The following PDE9A variants were observed in gnomAD, a reference collection of about 807,000 sequenced individuals.
PDE9A encodes high affinity cGMP-specific 3',5'-cyclic phosphodiesterase 9A.
PDE9A carries 60 observed loss-of-function variants against 87.4 expected under a neutral mutation model. That is an observed-to-expected ratio of 0.69 (90% CI 0.56 to 0.85). PDE9A has a LOEUF of 0.85. Among genes scored for constraint, PDE9A ranks in the 40% least tolerant of loss-of-function variants. The probability of loss-of-function intolerance (pLI) is 0.00; values close to 1 mark genes in which losing one functional copy is unlikely to be tolerated. For synonymous variants in PDE9A, 272 were observed against 279.4 expected (o/e 0.97, Z 0.27); for missense variants, 665 against 779.0 (o/e 0.85, Z 1.74).
At chr21:42,714,629 G>T (rs113252995) in intron 4 of PDE9A, among the ~76,000 whole-genome samples, 2 of 147,064 alleles carry the variant, frequency 1.4e-5, no homozygotes, top group Admixed American at 6.8e-5. Flanking sequence ...TGATATGGTT[G>T]GGGTTAGCTC....
chr21:42,745,606 A>AC (rs1254853651), intron 8 of PDE9A, among the ~76,000 whole-genome samples: 6 of 152,014 alleles, frequency 3.9e-5, no homozygotes, highest in African/African-American at 1.4e-4. Context: ...CAGCACCTTC[A>AC]CCTGTGGCAC....
Position 42,760,896 on chromosome 21 carries a change from C to A in PDE9A, c.1074C>A (p.Gly358=). ...TCTGCCACGATCTGGACCATCCCGG[C>A]TACAACAACACGTATGTACAGGATT... ...AAICHDLDHP[G]YNNTYQINAR... Residue 358 remains glycine (G), a synonymous_variant, in exon 13 of 20, where the codon GGC becomes GGA. Coordinates refer to ENST00000291539, the MANE Select transcript of PDE9A (RefSeq NM_002606.3). The surrounding 1 kb of genome is among the most constrained non-coding windows in gnomAD (Gnocchi z 5.2). 6 of 1,606,132 alleles carry A rather than the reference C, an allele frequency of 3.7e-6. No homozygotes were observed. The highest frequency in any genetic ancestry group is 5.1e-6 in the Non-Finnish European group (6 of 1,172,638).
At chr21:42,657,825 C>T (rs1194630687) in intron 1 of PDE9A, among the ~76,000 whole-genome samples, 1 of 152,222 alleles carries the variant, frequency 6.6e-6, no homozygotes, top group Non-Finnish European at 1.5e-5. Flanking sequence ...TCGCACTGTG[C>T]GCGGCCTCCC....
At chr21:42,664,735 A>T (rs559084724) in intron 1 of PDE9A, among the ~76,000 whole-genome samples, 11 of 152,202 alleles carry the variant, frequency 7.2e-5, no homozygotes, top group Non-Finnish European at 1.5e-4. Flanking sequence ...AGCTCCCCCC[A>T]TCACCAACTT....
intron 4 of PDE9A, among the ~76,000 whole-genome samples, chr21:42,713,962 A>G (rs979618740): frequency 7.0e-6 from 1 of 143,268 alleles, no homozygotes; most frequent in Non-Finnish European, 1.5e-5. Context: ...GTGCATGACC[A>G]TGGGAAATGT....
At position 42,722,469 on chromosome 21, in the gene PDE9A, G is replaced by A. The variant is rs1166614158; in HGVS notation, c.263-9301G>A. Among the ~76,000 whole-genome samples, 3 of 152,192 alleles carry A rather than the reference G, an allele frequency of 2.0e-5. No individual in the cohort carries two copies. In the East Asian group the frequency reaches 5.8e-4, roughly 29 times the overall value. On this transcript the variant is annotated intron_variant, in intron 4 of 19. Transcript: ENST00000291539. This position sits in a 1 kb window ranked among gnomAD's most constrained non-coding sequence, Gnocchi z 4.1. ...GGCTACGATCAAGGGCAATAGAATG[G>A]ATCGTGCATGAGCTCCCAGGCCACA...
At chr21:42,769,769 C>CATATACACACAT in intron 17 of PDE9A, among the ~76,000 whole-genome samples, 1 of 150,958 alleles carries the variant, frequency 6.6e-6, no homozygotes, top group Non-Finnish European at 1.5e-5. Context: ...TGCACATGCA[C>CATATACACACAT]GCACACAGGT....
chr21:42,662,708 G>A (rs2057620009), intron 1 of PDE9A, among the ~76,000 whole-genome samples: 4 of 112,114 alleles, frequency 3.6e-5, no homozygotes, highest in East Asian at 2.8e-4. Context: ...CCATGCACAC[G>A]CACATCACAC....
chr21:42,747,151 A>T (rs1179776490), intron 8 of PDE9A, among the ~76,000 whole-genome samples: 1 of 152,216 alleles, frequency 6.6e-6, no homozygotes, highest in Non-Finnish European at 1.5e-5. Context: ...AAAGGAACTC[A>T]GAATAGAGAC....
rs2055346408 is a variant in PDE9A, at chr21:42,758,744, A to T, written c.811-255A>T. 9.0e-6 allele frequency: 4 copies of T among 446,396 alleles called. No homozygotes were observed. In the South Asian group the frequency reaches 1.3e-4, roughly 14 times the overall value. 27.7% of individuals were successfully genotyped at this position (446,396 alleles called of 1,614,324 possible). ...CGGAACTGGCCCTCCACGCCCCAGG[A>T]TCCACCTGCCAGGAGACCCCCAGTG... On this transcript the variant is annotated intron_variant, in intron 10 of 19. Transcript: ENST00000291539.
chr21:42,692,357 G>T lies in PDE9A; in HGVS notation c.218+4363G>T, dbSNP rs2059895617. On this transcript the variant is annotated intron_variant, in intron 3 of 19. Coordinates refer to ENST00000291539, the MANE Select transcript of PDE9A (RefSeq NM_002606.3). The surrounding 1 kb of genome is among the most constrained non-coding windows in gnomAD (Gnocchi z 4.3). ...TGGGTGGAGACCCGGGATGCCAATG[G>T]CATCCTACAGCGCACAGGACAGGCC... Among the ~76,000 whole-genome samples, 1 of 152,172 alleles carries T rather than the reference G, an allele frequency of 6.6e-6. No homozygotes were observed. The highest frequency in any genetic ancestry group is 6.5e-5 in the Admixed American group (1 of 15,284).
intron 7 of PDE9A, chr21:42,734,094 C>G (rs376334108): frequency 2.6e-5 from 4 of 151,922 alleles, no homozygotes; most frequent in African/African-American, 9.7e-5. Flanking sequence ...AAGCAGATGC[C>G]GGCACCAGGC....
chr21:42,760,900 A>C lies in PDE9A; in HGVS notation c.1078A>C (p.Asn360His), dbSNP rs748723551. The part of the protein sequence containing the change: ...ICHDLDHPGY[N>H]NTYQINARTE... ...CCACGATCTGGACCATCCCGGCTACAACAACACGTATGTACAGGATTTTCT... is the reference window on the plus strand; with the variant it reads ...CCACGATCTGGACCATCCCGGCTACCACAACACGTATGTACAGGATTTTCT... The change falls in exon 13 of 20, where the codon AAC (asparagine) becomes CAC (histidine). Residue 360 changes from asparagine to histidine, a missense_variant. By Grantham distance (68) the Asn-to-His change is moderately conservative (BLOSUM62 1). Transcript: ENST00000291539. This position sits in a 1 kb window ranked among gnomAD's most constrained non-coding sequence, Gnocchi z 5.2. 6.2e-7 allele frequency: 1 copy of C among 1,602,730 alleles called. No homozygotes were observed. The highest frequency in any genetic ancestry group is 8.5e-7 in the Non-Finnish European group (1 of 1,169,592).
chr21:42,691,938 C>T (rs1170974392), intron 3 of PDE9A, among the ~76,000 whole-genome samples: 1 of 151,324 alleles, frequency 6.6e-6, no homozygotes, highest in African/African-American at 2.4e-5. Context: ...ACCATCACCA[C>T]CCAAAGTCAC....
chr21:42,769,632 AGG>A (rs2056809123), intron 17 of PDE9A, among the ~76,000 whole-genome samples: 1 of 45,050 alleles, frequency 2.2e-5, no homozygotes, highest in African/African-American at 1.7e-4. Context: ...ATGCACACAC[AGG>A]CACACACAGG....
intron 4 of PDE9A, among the ~76,000 whole-genome samples, chr21:42,714,175 T>G (rs1420315355): frequency 6.6e-6 from 1 of 151,938 alleles, no homozygotes; most frequent in African/African-American, 2.4e-5. Context: ...CCCACCACCG[T>G]GCCTGGCTAA....
chr21:42,713,956 A>G (rs1414481141), intron 4 of PDE9A, among the ~76,000 whole-genome samples: 3 of 139,354 alleles, frequency 2.2e-5, no homozygotes, highest in Non-Finnish European at 4.6e-5. Flanking sequence ...GCTGGAGTGC[A>G]TGACCATGGG....
chr21:42,750,703 G>T (rs2054328079), intron 8 of PDE9A, among the ~76,000 whole-genome samples: 1 of 152,120 alleles, frequency 6.6e-6, no homozygotes, highest in Admixed American at 6.5e-5. Flanking sequence ...AGCCTCCCGA[G>T]TAGCTGGGAC....
At chr21:42,726,609 TATATATA>T (rs2051088471) in intron 4 of PDE9A, among the ~76,000 whole-genome samples, 12 of 25,486 alleles carry the variant, frequency 4.7e-4, no homozygotes, top group African/African-American at 2.9e-3. Context: ...TATATATATA[TATATATA>T]TATATATATT....
Sources: gnomAD v4.1 joint callset for allele counts (sites outside exome capture counted in the v4.1 genomes callset) on GRCh38, gnomAD v4.1.1 for gene constraint, Gnocchi (gnomAD v3.1) non-coding constraint, MANE v1.5 for transcripts, NCBI Gene and HGNC (gene_info 2026-07-23, HGNC 2026-07-21) for gene names.